FAT1: variants seen among roughly 807,000 people sequenced by gnomAD.
The protein encoded by FAT1 is protocadherin Fat 1.
FAT1 carries 171 observed loss-of-function variants against 329.8 expected under a neutral mutation model. The ratio of observed to expected loss-of-function variants is 0.52; its 90% confidence interval spans 0.46 to 0.59. FAT1 has a LOEUF of 0.59. Ranked by LOEUF, FAT1 falls within the 20% of genes least tolerant of loss-of-function variation. FAT1 has a pLI of 0.00. For missense variants in FAT1, 5,672 were observed against 5,774.4 expected (o/e 0.98, Z 0.57); for synonymous variants, 2,233 against 2,228.6 (o/e 1.00, Z -0.06).
intron 3 of FAT1, among the ~76,000 whole-genome samples, chr4:186,658,635 G>C (rs1475318785): frequency 6.6e-6 from 1 of 152,034 alleles, no homozygotes; most frequent in Non-Finnish European, 1.5e-5. Context: ...TTCCACTGAG[G>C]GTAGCCGTCT....
chr4:186,630,146 C>A (rs776198351), intron 7 of FAT1, among the ~76,000 whole-genome samples: 1 of 152,190 alleles, frequency 6.6e-6, no homozygotes, highest in Non-Finnish European at 1.5e-5. Flanking sequence ...CCTCATAGAG[C>A]CACCAGGCTT....
Position 186,709,170 on chromosome 4 carries a change from T to G in FAT1, c.658A>C (p.Met220Leu), listed in dbSNP as rs370375105. 2.3e-5 allele frequency: 37 copies of G among 1,613,874 alleles called. No homozygotes were observed. In the African/African-American group the frequency reaches 4.5e-4, roughly 20 times the overall value. Reference protein sequence around the residue: ...LDYLETKLYEMEILAADRGMK... With the variant: ...LDYLETKLYELEILAADRGMK... ...CCACGGTCCGCAGCGAGGATTTCCA[T>G]CTCATAGAGCTTGGTCTCTAGGTAA... is the stretch of plus-strand genomic sequence containing the variant. Residue 220 changes from methionine (M) to leucine (L), a missense_variant, in exon 2 of 27, where the codon ATG (methionine) becomes CTG (leucine). Physicochemically the swap from Met to Leu is conservative, Grantham distance 15. Coordinates refer to ENST00000441802, the MANE Select transcript of FAT1 (RefSeq NM_005245.4).
At chr4:186,637,863 T>C (rs1267382597) in intron 4 of FAT1, among the ~76,000 whole-genome samples, 1 of 152,258 alleles carries the variant, frequency 6.6e-6, no homozygotes, top group East Asian at 1.9e-4. Context: ...ATGGTGCCTG[T>C]CAAAAGTATT....
intron 4 of FAT1, among the ~76,000 whole-genome samples, chr4:186,637,950 G>A (rs180809226): frequency 9.9e-4 from 150 of 152,244 alleles, no homozygotes; most frequent in African/African-American, 3.4e-3. Context: ...TTAAACTCTC[G>A]AAACATTTCC....
rs763170750 is a variant in FAT1, at chr4:186,617,926, A to G, written c.8660T>C (p.Val2887Ala). 1.9e-6 allele frequency: 3 copies of G among 1,614,002 alleles called. No homozygotes were observed. Among genetic ancestry groups the G allele is most frequent in the South Asian group, 2.2e-5 (2 of 91,082 alleles). The change falls in exon 10 of 27, where the codon GTG becomes GCG. Residue 2887 changes from valine to alanine, a missense_variant. By Grantham distance (64) the Val-to-Ala change is moderately conservative (BLOSUM62 0). Transcript: ENST00000441802. ...HEKRDNYQIK[V>A]VASDHGEKIQ... The stretch of plus-strand genomic sequence containing the variant: ...CTTTTCACCATGATCTGATGCAACC[A>G]CTTTAATCTGGTAATTGTCTCTCTT...
At chr4:186,602,300 A>T (rs1199932349) in intron 20 of FAT1, among the ~76,000 whole-genome samples, 1 of 152,252 alleles carries the variant, frequency 6.6e-6, no homozygotes, top group East Asian at 1.9e-4. Flanking sequence ...ATACAAAAAA[A>T]TTTAAAATGT....
In FAT1 at chr4:186,723,679, A is replaced by G. The variant is rs1421235232; in HGVS notation, c.-34T>C. On this transcript the variant is annotated 5_prime_UTR_variant, in exon 1 of 27. Coordinates refer to ENST00000441802, the MANE Select transcript of FAT1 (RefSeq NM_005245.4). Reference sequence around the variant, plus strand: ...GCGAACTAACCGCAAAGTTGGCCCGAAGTGGCGACGGCGCTCTCGTGGAGC... The same window carrying G: ...GCGAACTAACCGCAAAGTTGGCCCGGAGTGGCGACGGCGCTCTCGTGGAGC... 1 of 150,124 alleles carries G rather than the reference A, an allele frequency of 6.7e-6. No homozygotes were observed. Among genetic ancestry groups the G allele is most frequent in the African/African-American group, 2.5e-5 (1 of 40,538 alleles). 9.3% of individuals were successfully genotyped at this position (150,124 alleles called of 1,614,324 possible).
intron 26 of FAT1, 143 bp downstream of exon 26, chr4:186,595,546 A>T (rs1304247632): frequency 1.2e-6 from 1 of 844,582 alleles, no homozygotes; most frequent in African/African-American, 1.7e-5. Flanking sequence ...TCATGCAAGT[A>T]TGTATGGTAT....
chr4:186,663,283 C>T lies in FAT1; in HGVS notation c.3580+16G>A, dbSNP rs1217617396. 6.3e-7 allele frequency: 1 copy of T among 1,576,252 alleles called. No homozygotes were observed. Among genetic ancestry groups the T allele is most frequent in the Non-Finnish European group, 8.7e-7 (1 of 1,151,140 alleles). The stretch of plus-strand genomic sequence containing the variant: ...GCATAAGCATAAACATTTCCTATAG[C>T]AGTATTAACACATACCTGTTTTAGG... On this transcript the variant is annotated intron_variant, in intron 3 of 26. Transcript: ENST00000441802.
chr4:186,693,643 G>A lies in FAT1; in HGVS notation c.3265+12920C>T, dbSNP rs922555592. The stretch of plus-strand genomic sequence containing the variant: ...TGGAAAACAGCCAAGGAAACACCCA[G>A]CTGAGCCCAGCCCAAATCGCCCACC... On this transcript the variant is annotated intron_variant, in intron 2 of 26. Transcript: ENST00000441802. Among the ~76,000 whole-genome samples the A allele has an allele frequency of 8.6e-5, 9 of 104,426 alleles. 1 individual carries two copies. Among genetic ancestry groups the A allele is most frequent in the African/African-American group, 3.9e-4 (9 of 23,312 alleles). 68.5% of individuals were successfully genotyped at this position (104,426 alleles called of 152,430 possible). A position where few individuals can be genotyped will look rare whatever the true frequency, so the allele number is the denominator to read the frequency against.
chr4:186,645,966 T>TACACACACAC (rs1307077094), intron 3 of FAT1, among the ~76,000 whole-genome samples: 45 of 80,518 alleles, frequency 5.6e-4, no homozygotes, highest in Admixed American at 9.8e-4. Context: ...AAAAAAAATA[T>TACACACACAC]ATACACACAC....
intron 16 of FAT1, among the ~76,000 whole-genome samples, chr4:186,606,706 C>G (rs574002840): frequency 6.6e-6 from 1 of 152,160 alleles, no homozygotes; most frequent in Non-Finnish European, 1.5e-5. Flanking sequence ...CAATTTCACA[C>G]TCGGATTATA....
At chr4:186,696,240 C>T (rs2126667647) in intron 2 of FAT1, among the ~76,000 whole-genome samples, 1 of 152,308 alleles carries the variant, frequency 6.6e-6, no homozygotes, top group African/African-American at 2.4e-5. Flanking sequence ...TCATACTTTC[C>T]TAATCAGTTT....
At chr4:186,634,274 T>C (rs76087002) in intron 6 of FAT1, among the ~76,000 whole-genome samples, 2,085 of 152,344 alleles carry the variant, frequency 0.014, 19 homozygotes, top group Non-Finnish European at 0.023. Context: ...ATAGCGGTCG[T>C]TAACTTTAAT....
chr4:186,635,884 T>C (rs1740794356), intron 6 of FAT1, 141 bp downstream of exon 6: 2 of 701,710 alleles, frequency 2.9e-6, no homozygotes, highest in Admixed American at 5.9e-5. Flanking sequence ...AATCAAAATA[T>C]TATAGTTGAA....
At chr4:186,714,641 G>A (rs1451249520) in intron 1 of FAT1, among the ~76,000 whole-genome samples, 4 of 152,176 alleles carry the variant, frequency 2.6e-5, no homozygotes, top group Admixed American at 6.5e-5. Context: ...GGGTCCAAAC[G>A]GGAGGCCCTG....
intron 2 of FAT1, among the ~76,000 whole-genome samples, chr4:186,674,047 TG>T (rs1214584415): frequency 6.6e-6 from 1 of 152,242 alleles, no homozygotes; most frequent in Non-Finnish European, 1.5e-5. Context: ...GCAATGCTTC[TG>T]GAAGTTTGTT....
intron 2 of FAT1, among the ~76,000 whole-genome samples, chr4:186,705,998 C>T (rs1325929694): frequency 2.0e-5 from 3 of 152,150 alleles, no homozygotes; most frequent in Admixed American, 1.3e-4. Context: ...GATTCCAAGC[C>T]AGGTCTTCTC....
intron 2 of FAT1, among the ~76,000 whole-genome samples, chr4:186,701,710 G>A (rs570496486): frequency 2.6e-5 from 4 of 152,302 alleles, no homozygotes; most frequent in South Asian, 4.1e-4. Flanking sequence ...ACAGGAGGAC[G>A]TGCAGCAGGA....
Sources: gnomAD v4.1 joint callset for allele counts (sites outside exome capture counted in the v4.1 genomes callset) on GRCh38, gnomAD v4.1.1 for gene constraint, MANE v1.5 for transcripts, NCBI Gene and HGNC (gene_info 2026-07-23, HGNC 2026-07-21) for gene names.